Variants in RYR2 observed in about 807,000 individuals in gnomAD.
RYR2 encodes the protein ryanodine receptor 2.
A neutral mutation model predicts 601.1 loss-of-function variants in RYR2; 227 were observed. That is an observed-to-expected ratio of 0.38 (90% CI 0.34 to 0.42). The LOEUF (loss-of-function observed/expected upper bound fraction) is 0.42. RYR2 is among the 10% of genes least tolerant of loss of function. The pLI, the probability that RYR2 is intolerant of heterozygous loss-of-function variation, is 1.00. For synonymous variants in RYR2, 2,223 were observed against 2,175.1 expected, an observed-to-expected ratio of 1.02 and a Z score of -0.61; for missense variants, 4,646 against 6,156.5, an observed-to-expected ratio of 0.75 and a Z score of 8.21.
intron 25 of RYR2, among the ~76,000 whole-genome samples, chr1:237,545,849 C>T (rs1251037843): frequency 6.6e-6 from 1 of 151,604 alleles, no homozygotes; most frequent in Non-Finnish European, 1.5e-5. Context: ...TGCTTGAGGC[C>T]AGGGGTTGAA....
At chr1:237,558,159 C>T (rs1204585287) in intron 27 of RYR2, among the ~76,000 whole-genome samples, 1 of 152,092 alleles carries the variant, frequency 6.6e-6, no homozygotes, top group Non-Finnish European at 1.5e-5. Context: ...AAAGGAACAA[C>T]AACACTTATT....
chr1:237,566,383 C>G (rs1672087136), intron 27 of RYR2, among the ~76,000 whole-genome samples, 184 bp from the exon 28 acceptor site: 3 of 152,172 alleles, frequency 2.0e-5, no homozygotes, highest in South Asian at 4.1e-4. Flanking sequence ...CTGACAGTGG[C>G]TGATCCTAGA....
chr1:237,065,269 C>CTTTTTTTTTTTTTTTTTTTT (rs766039441), intron 1 of RYR2, among the ~76,000 whole-genome samples: 3 of 77,490 alleles, frequency 3.9e-5, no homozygotes, highest in African/African-American at 1.6e-4. Flanking sequence ...GTGTGCTATC[C>CTTTTTTTTTTTTTTTTTTTT]TTTTTTTTTT....
chr1:237,650,031 C>T lies in RYR2; in HGVS notation c.7667C>T (p.Ser2556Phe). ...DSLLHTVYRL[S>F]KGCSLTKAQR... ...TTACTTCATACTGTGTATAGACTTTCTAAGGGCTGTTCACTTACCAAAGCT... is the reference window on the plus strand; with the variant it reads ...TTACTTCATACTGTGTATAGACTTTTTAAGGGCTGTTCACTTACCAAAGCT... Residue 2556 changes from serine (S) to phenylalanine (F), a missense_variant, in exon 50 of 105, where the codon TCT becomes TTT. Around this residue, in one of 17 missense-constraint regions of RYR2, gnomAD observed 1,497 missense variants for 1,842.6 expected, o/e 0.81. Coordinates refer to ENST00000366574, the MANE Select transcript of RYR2 (RefSeq NM_001035.3). The T allele has an allele frequency of 6.2e-7, 1 of 1,614,034 alleles. No homozygotes were observed. Among genetic ancestry groups the T allele is most frequent in the Non-Finnish European group, 8.5e-7 (1 of 1,179,890 alleles).
rs1418727899 is a variant in RYR2 at position 237,195,608 on chromosome 1, AT to A, written c.49-74886del. ...ATACATTCATTAGGAAGTGTTCTCT[AT>A]TTGCCTTTAGCACATATGTATGCAT... is the stretch of plus-strand genomic sequence containing the variant. On this transcript the variant is annotated intron_variant, in intron 1 of 104. Transcript: ENST00000366574. Among the ~76,000 whole-genome samples, 2 of 152,138 alleles carry A rather than the reference AT, an allele frequency of 1.3e-5. 1 individual carries two copies. The highest frequency in any genetic ancestry group is 2.9e-5 in the Non-Finnish European group (2 of 68,034).
intron 100 of RYR2, among the ~76,000 whole-genome samples, chr1:237,811,743 C>T (rs149302336): frequency 6.6e-6 from 1 of 152,254 alleles, no homozygotes; most frequent in Non-Finnish European, 1.5e-5. Context: ...ACATAGTTGA[C>T]AGCAGAGCAA....
At chr1:237,221,762 C>T (rs1163437714) in intron 1 of RYR2, among the ~76,000 whole-genome samples, 2 of 152,120 alleles carry the variant, frequency 1.3e-5, no homozygotes, top group African/African-American at 4.8e-5. Flanking sequence ...ATCAAGGGCT[C>T]ACTGAGGTAG....
chr1:237,483,890 A>G (rs1365713569), intron 17 of RYR2, among the ~76,000 whole-genome samples: 2 of 152,180 alleles, frequency 1.3e-5, no homozygotes, highest in African/African-American at 2.4e-5. Context: ...GGTAGGAGGG[A>G]AAAAAATCCC....
chr1:237,201,019 C>A (rs578088327), intron 1 of RYR2, among the ~76,000 whole-genome samples: 1 of 152,232 alleles, frequency 6.6e-6, no homozygotes, highest in Non-Finnish European at 1.5e-5. Flanking sequence ...AATCTCATTA[C>A]TTCTATTCCT....
chr1:237,154,040 A>G (rs755852948), intron 1 of RYR2, among the ~76,000 whole-genome samples: 1 of 152,198 alleles, frequency 6.6e-6, no homozygotes, highest in African/African-American at 2.4e-5. Flanking sequence ...GAGGGAGATG[A>G]GTAGGAATAA....
intron 15 of RYR2, 87 bp downstream of exon 15, chr1:237,454,661 C>T: frequency 1.4e-6 from 2 of 1,383,880 alleles, no homozygotes; most frequent in South Asian, 2.5e-5. Flanking sequence ...TCTATTTTGA[C>T]CATCTTTGCG....
At chr1:237,383,647 T>C (rs1172529586) in intron 8 of RYR2, among the ~76,000 whole-genome samples, 3 of 152,046 alleles carry the variant, frequency 2.0e-5, no homozygotes, top group Non-Finnish European at 4.4e-5. Context: ...GCCAGGATGG[T>C]CTCGATCTCC....
At chr1:237,466,893 CT>C (rs1467643102) in intron 16 of RYR2, among the ~76,000 whole-genome samples, 1 of 151,528 alleles carries the variant, frequency 6.6e-6, no homozygotes, top group East Asian at 1.9e-4. Context: ...TTTTTATATG[CT>C]TTGGTTTTAT....
At chr1:237,198,131 T>G (rs999113685) in intron 1 of RYR2, among the ~76,000 whole-genome samples, 3 of 152,216 alleles carry the variant, frequency 2.0e-5, no homozygotes, top group Non-Finnish European at 4.4e-5. Flanking sequence ...GTTATGGCCA[T>G]GCACTTTGGA....
At chr1:237,225,005 T>C (rs1684209450) in intron 1 of RYR2, among the ~76,000 whole-genome samples, 1 of 152,222 alleles carries the variant, frequency 6.6e-6, no homozygotes, top group Non-Finnish European at 1.5e-5. Context: ...ATTTTTTTGC[T>C]TTTAACCACT....
At chr1:237,512,701 C>T (rs190825072) in intron 24 of RYR2, among the ~76,000 whole-genome samples, 1 of 152,222 alleles carries the variant, frequency 6.6e-6, no homozygotes, top group Non-Finnish European at 1.5e-5. Context: ...AGTGAGACCC[C>T]ATGTCAACAA....
chr1:237,086,654 G>A (rs1335853330), intron 1 of RYR2, among the ~76,000 whole-genome samples: 1 of 152,168 alleles, frequency 6.6e-6, no homozygotes, highest in Non-Finnish European at 1.5e-5. Context: ...TTGCATGGAG[G>A]ATTTTTATTT....
intron 8 of RYR2, among the ~76,000 whole-genome samples, chr1:237,384,503 C>A (rs1319398231): frequency 6.6e-6 from 1 of 152,214 alleles, no homozygotes; most frequent in African/African-American, 2.4e-5. Flanking sequence ...TCACACATTC[C>A]CCTTCTCAGA....
At chr1:237,155,095 C>T (rs1675158977) in intron 1 of RYR2, among the ~76,000 whole-genome samples, 2 of 151,858 alleles carry the variant, frequency 1.3e-5, no homozygotes. Flanking sequence ...TTAAGCTCCC[C>T]AGCAAAAGAG....
Sources: allele counts gnomAD v4.1 joint callset (sites outside exome capture counted in the v4.1 genomes callset), GRCh38; gene constraint gnomAD v4.1.1; regional missense constraint gnomAD v4.1.1; transcripts MANE v1.5; gene names NCBI Gene and HGNC (gene_info 2026-07-23, HGNC 2026-07-21).